PTPRK: variants seen among roughly 807,000 people sequenced by gnomAD.
PTPRK encodes protein tyrosine phosphatase receptor type K, also known as receptor-type tyrosine-protein phosphatase kappa.
A neutral mutation model predicts 178.0 loss-of-function variants in PTPRK; 75 were observed. The observed-to-expected ratio is 0.42, with a 90% CI of 0.35 to 0.51. PTPRK has a LOEUF of 0.51. Among genes scored for constraint, PTPRK ranks in the 20% least tolerant of loss-of-function variants. The pLI is 0.02. For missense variants in PTPRK, 1,441 were observed against 1,797.8 expected, an observed-to-expected ratio of 0.80 and a Z score of 3.59; for synonymous variants, 637 against 620.6, an observed-to-expected ratio of 1.03 and a Z score of -0.39.
In PTPRK at chr6:127,990,899, A is replaced by C. The variant is rs753021431; in HGVS notation, c.2980-14T>G. ...ATAGCATTTAACCTAAGTGACAAAA[A>C]GAATATATAGACAGACCTGAATATA... On this transcript the variant is annotated splice_polypyrimidine_tract_variant and intron_variant, in intron 20 of 29. Transcript: ENST00000368226. The C allele has an allele frequency of 6.9e-7, 1 of 1,458,544 alleles. No individual in the cohort carries two copies. The allele number at this position is 1,458,544 out of a possible 1,614,324, so 90.4% of individuals were successfully genotyped here.
chr6:128,473,588 T>G (rs1851007418), intron 1 of PTPRK, among the ~76,000 whole-genome samples: 1 of 152,000 alleles, frequency 6.6e-6, no homozygotes, highest in South Asian at 2.1e-4. Flanking sequence ...TTTTCCTAAT[T>G]GATTTTTACG....
intron 1 of PTPRK, among the ~76,000 whole-genome samples, chr6:128,407,516 G>A (rs563526211): frequency 2.6e-5 from 4 of 151,066 alleles, no homozygotes; most frequent in Admixed American, 1.3e-4. Context: ...GCATACACCT[G>A]TAGTCCCAGC....
chr6:128,267,816 A>G (rs1348016873), intron 3 of PTPRK, among the ~76,000 whole-genome samples: 3 of 152,124 alleles, frequency 2.0e-5, no homozygotes, highest in Non-Finnish European at 4.4e-5. Context: ...AAGTAACAGC[A>G]GAATATGAGT....
At chr6:128,031,571 T>C (rs1413916746) in intron 13 of PTPRK, among the ~76,000 whole-genome samples, 2 of 152,222 alleles carry the variant, frequency 1.3e-5, no homozygotes, top group Non-Finnish European at 2.9e-5. Context: ...TAATTATCTT[T>C]TGTTGTTATT....
intron 13 of PTPRK, among the ~76,000 whole-genome samples, chr6:128,036,275 T>C (rs536332158): frequency 6.6e-6 from 1 of 152,302 alleles, no homozygotes; most frequent in East Asian, 1.9e-4. Context: ...ATTGTCTTCA[T>C]GGGAGCAGCT....
intron 21 of PTPRK, among the ~76,000 whole-genome samples, 184 bp from the exon 22 acceptor site, chr6:127,986,059 CCTT>C (rs1308727063): frequency 6.6e-6 from 1 of 151,974 alleles, no homozygotes; most frequent in Non-Finnish European, 1.5e-5. Flanking sequence ...TAGGAGCTTA[CCTT>C]TATTGTCAGA....
intron 11 of PTPRK, among the ~76,000 whole-genome samples, chr6:128,074,253 T>C (rs1023007512): frequency 6.6e-6 from 1 of 151,904 alleles, no homozygotes; most frequent in Admixed American, 6.6e-5. Context: ...ATGGGTAGAG[T>C]TTCTATTTGG....
chr6:128,121,048 C>T (rs964362839), intron 7 of PTPRK, among the ~76,000 whole-genome samples: 1 of 149,234 alleles, frequency 6.7e-6, no homozygotes, highest in Admixed American at 6.6e-5. Flanking sequence ...AACTATTATT[C>T]AGCAATAAAT....
chr6:128,238,258 G>A (rs2128282426), intron 5 of PTPRK: 2 of 372,444 alleles, frequency 5.4e-6, no homozygotes, highest in Non-Finnish European at 1.0e-5. Context: ...AAGTTTCATA[G>A]AATATTTTAC....
At chr6:128,304,702 G>T (rs1214695250) in intron 3 of PTPRK, among the ~76,000 whole-genome samples, 1 of 152,168 alleles carries the variant, frequency 6.6e-6, no homozygotes, top group Non-Finnish European at 1.5e-5. Context: ...ACAAAGAAAA[G>T]CATCTCCAGA....
intron 11 of PTPRK, among the ~76,000 whole-genome samples, chr6:128,078,487 T>G (rs987362403): frequency 3.3e-5 from 5 of 151,904 alleles, no homozygotes; most frequent in Admixed American, 1.3e-4. Context: ...ATATCTCAGT[T>G]TCAGTTACCC....
chr6:128,500,449 C>T (rs1448824205), intron 1 of PTPRK: 1 of 152,044 alleles, frequency 6.6e-6, no homozygotes, highest in African/African-American at 2.4e-5. Context: ...AGCATAATTA[C>T]ATTTTTGATT....
chr6:128,428,138 T>C (rs1308040448), intron 1 of PTPRK, among the ~76,000 whole-genome samples: 1 of 151,990 alleles, frequency 6.6e-6, no homozygotes, highest in Non-Finnish European at 1.5e-5. Flanking sequence ...CCATGTACAG[T>C]GAAATGAGAA....
At chr6:128,053,340 C>A (rs1282584368) in intron 13 of PTPRK, among the ~76,000 whole-genome samples, 10 of 152,068 alleles carry the variant, frequency 6.6e-5, no homozygotes, top group Non-Finnish European at 7.4e-5. Flanking sequence ...ACATGATCAA[C>A]CTCTGCCTGG....
intron 1 of PTPRK, among the ~76,000 whole-genome samples, chr6:128,470,527 A>G (rs1009848931): frequency 2.0e-5 from 3 of 152,084 alleles, no homozygotes; most frequent in African/African-American, 7.2e-5. Flanking sequence ...CTATAGCACT[A>G]CCATCATCTT....
At chr6:127,987,975 A>G (rs2114650407) in intron 21 of PTPRK, among the ~76,000 whole-genome samples, 1 of 152,264 alleles carries the variant, frequency 6.6e-6, no homozygotes, top group South Asian at 2.1e-4. Context: ...AAAGTCATAC[A>G]GTTTTGGTAC....
intron 2 of PTPRK, among the ~76,000 whole-genome samples, chr6:128,375,239 G>A (rs2128351608): frequency 6.6e-6 from 1 of 151,866 alleles, no homozygotes; most frequent in East Asian, 1.9e-4. Context: ...TGCTGATAAA[G>A]ACATACCTGA....
intron 2 of PTPRK, among the ~76,000 whole-genome samples, chr6:128,342,520 A>T (rs1388606388): frequency 6.6e-6 from 1 of 151,920 alleles, no homozygotes; most frequent in Non-Finnish European, 1.5e-5. Flanking sequence ...GGTACTGGTT[A>T]TTTATCTCAG....
chr6:128,357,328 G>A (rs901241178), intron 2 of PTPRK, among the ~76,000 whole-genome samples: 2 of 152,186 alleles, frequency 1.3e-5, no homozygotes, highest in Non-Finnish European at 2.9e-5. Context: ...GATTTTAATA[G>A]TTTTATATGA....
Sources: allele counts gnomAD v4.1 joint callset (sites outside exome capture counted in the v4.1 genomes callset), GRCh38; gene constraint gnomAD v4.1.1; transcripts MANE v1.5; gene names NCBI Gene and HGNC (gene_info 2026-07-23, HGNC 2026-07-21).